The following MAN1C1 variants were observed in gnomAD, a reference collection of about 807,000 sequenced individuals.
The protein encoded by MAN1C1 is mannosidase alpha class 1C member 1, also known as mannosyl-oligosaccharide 1,2-alpha-mannosidase IC.
MAN1C1 carries 49 observed loss-of-function variants against 71.5 expected under a neutral mutation model. That is an observed-to-expected ratio of 0.69 (90% CI 0.54 to 0.87). MAN1C1 has a LOEUF of 0.87. Ranked by LOEUF, MAN1C1 falls within the 40% of genes least tolerant of loss-of-function variation. The probability of loss-of-function intolerance (pLI) is 0.00; values close to 1 mark genes in which losing one functional copy is unlikely to be tolerated. For missense variants in MAN1C1, 743 were observed against 835.0 expected, an observed-to-expected ratio of 0.89 and a Z score of 1.36; for synonymous variants, 352 against 343.7, an observed-to-expected ratio of 1.02 and a Z score of -0.27.
intron 2 of MAN1C1, among the ~76,000 whole-genome samples, chr1:25,722,716 G>T (rs1301219508): frequency 6.6e-6 from 1 of 152,038 alleles, no homozygotes; most frequent in African/African-American, 2.4e-5. Flanking sequence ...TTGTGTATTT[G>T]TCCATCTCTC....
Position 25,782,722 on chromosome 1 carries a change from T to C in MAN1C1, c.1766+22T>C. The C allele has an allele frequency of 6.4e-7, 1 of 1,574,558 alleles. No homozygotes were observed. Among genetic ancestry groups the C allele is most frequent in the South Asian group, 1.1e-5 (1 of 90,248 alleles). ...TAAAGTGAGCAGTGTGGGCTCTTCC[T>C]AGGGATGGACAGGTGGGAGGTTGAG... On this transcript the variant is annotated intron_variant, in intron 11 of 11. Transcript: ENST00000374332. This position sits in a 1 kb window ranked among gnomAD's most constrained non-coding sequence, Gnocchi z 4.4.
chr1:25,768,059 T>TCACC (rs2047472090), intron 7 of MAN1C1, among the ~76,000 whole-genome samples: 1 of 12,824 alleles, frequency 7.8e-5, no homozygotes, highest in African/African-American at 6.4e-4. Context: ...CACACTCCCC[T>TCACC]CACACACACA....
At chr1:25,715,501 C>G (rs1357122447) in intron 2 of MAN1C1, among the ~76,000 whole-genome samples, 1 of 152,220 alleles carries the variant, frequency 6.6e-6, no homozygotes, top group East Asian at 1.9e-4. Context: ...TAAGCACTCA[C>G]AACAGACTTT....
intron 1 of MAN1C1, among the ~76,000 whole-genome samples, chr1:25,627,251 TTTCTCTTCTC>T (rs140616480): frequency 2.0e-4 from 30 of 151,628 alleles, no homozygotes; most frequent in Admixed American, 6.6e-4. Flanking sequence ...ATTCCATTCT[TTTCTCTTCTC>T]TTCTCTTCTC....
In MAN1C1 at chr1:25,631,356, C is replaced by G. The variant is rs980669519; in HGVS notation, c.540+13019C>G. The stretch of plus-strand genomic sequence containing the variant: ...GGAATGCCTTAAACTTTTCCCCATT[C>G]GGTATGATGTTGGTTATGGGTTTGT... On this transcript the variant is annotated intron_variant, in intron 1 of 11. Transcript: ENST00000374332. This position sits in a 1 kb window ranked among gnomAD's most constrained non-coding sequence, Gnocchi z 4.2. 6.6e-6 allele frequency among the ~76,000 whole-genome samples: 1 copy of G among 152,070 alleles called. No homozygotes were observed. The highest frequency in any genetic ancestry group is 2.4e-5 in the African/African-American group (1 of 41,416).
chr1:25,749,135 C>T (rs79567560), intron 3 of MAN1C1, 120 bp from the exon 4 acceptor site: 4 of 698,274 alleles, frequency 5.7e-6, no homozygotes, highest in African/African-American at 1.8e-5. Flanking sequence ...CGTCACCTTG[C>T]CTGGCTTACC....
chr1:25,660,629 G>A (rs188766140), intron 1 of MAN1C1, among the ~76,000 whole-genome samples: 2 of 151,396 alleles, frequency 1.3e-5, no homozygotes, highest in Admixed American at 6.6e-5. Context: ...TCCTGACCTC[G>A]TGATCCGCCC....
In MAN1C1 at chr1:25,735,029, A is replaced by T. The variant is rs952310049; in HGVS notation, c.638-11639A>T. Among the ~76,000 whole-genome samples the T allele has an allele frequency of 6.6e-6, 1 of 152,180 alleles. No homozygotes were observed. Among genetic ancestry groups the T allele is most frequent in the South Asian group, 2.1e-4 (1 of 4,818 alleles). On this transcript the variant is annotated intron_variant, in intron 2 of 11. Transcript: ENST00000374332. This position sits in a 1 kb window ranked among gnomAD's most constrained non-coding sequence, Gnocchi z 4.6. ...AGAAGAGGGCATGCCAGGTAGAGAAAACAGCTTGAAGAAAGGGCTGGAGGC... is the reference window on the plus strand; with the variant it reads ...AGAAGAGGGCATGCCAGGTAGAGAATACAGCTTGAAGAAAGGGCTGGAGGC...
Position 25,725,727 on chromosome 1 carries a change from G to A in MAN1C1, c.638-20941G>A, listed in dbSNP as rs143050381. Among the ~76,000 whole-genome samples the A allele has an allele frequency of 2.2e-3, 337 of 152,312 alleles. No homozygotes were observed. Among genetic ancestry groups the A allele is most frequent in the Non-Finnish European group, 2.4e-3 (162 of 68,010 alleles). ...TTGCCCTCTAGATGGCATTATTAAG[G>A]ATTCTCTCCCAGTGTTTGTTTTAAT... On this transcript the variant is annotated intron_variant, in intron 2 of 11. Coordinates refer to ENST00000374332, the MANE Select transcript of MAN1C1 (RefSeq NM_020379.4). The surrounding 1 kb of genome is among the most constrained non-coding windows in gnomAD (Gnocchi z 4.8).
chr1:25,749,406 C>G (rs2047182311), intron 4 of MAN1C1, 71 bp downstream of exon 4: 3 of 1,303,794 alleles, frequency 2.3e-6, no homozygotes, highest in Non-Finnish European at 2.1e-6. Context: ...CAGTCCTTCC[C>G]CCTCATGCCA....
chr1:25,766,993 G>A (rs892008049), intron 7 of MAN1C1, among the ~76,000 whole-genome samples: 1 of 151,990 alleles, frequency 6.6e-6, no homozygotes, highest in African/African-American at 2.4e-5. Flanking sequence ...GGGGCTCACG[G>A]ACACCAGCTC....
At chr1:25,739,536 A>G (rs1000884429) in intron 2 of MAN1C1, among the ~76,000 whole-genome samples, 5 of 152,154 alleles carry the variant, frequency 3.3e-5, no homozygotes, top group African/African-American at 1.2e-4. Flanking sequence ...TCTCTTTGCT[A>G]ATATGATATC....
intron 5 of MAN1C1, among the ~76,000 whole-genome samples, chr1:25,757,719 G>T (rs1011856611): frequency 2.6e-5 from 4 of 152,220 alleles, no homozygotes; most frequent in African/African-American, 7.2e-5. Flanking sequence ...TCTGGCTCCA[G>T]ATCTCAGGGA....
intron 2 of MAN1C1, among the ~76,000 whole-genome samples, chr1:25,729,317 G>A (rs530986871): frequency 2.0e-5 from 3 of 152,230 alleles, no homozygotes; most frequent in Admixed American, 6.5e-5. Context: ...CATCCTTCCC[G>A]ATCCATCACA....
At chr1:25,757,826 C>T (rs911186327) in intron 5 of MAN1C1, among the ~76,000 whole-genome samples, 2 of 152,262 alleles carry the variant, frequency 1.3e-5, no homozygotes, top group African/African-American at 4.8e-5. Flanking sequence ...CAGGCTCTGG[C>T]ATCAGAGCCA....
chr1:25,768,059 TCACACA>T (rs145494997), intron 7 of MAN1C1, among the ~76,000 whole-genome samples: 3 of 12,836 alleles, frequency 2.3e-4, no homozygotes, highest in Non-Finnish European at 3.5e-4. Flanking sequence ...CACACTCCCC[TCACACA>T]CACACACACT....
chr1:25,649,160 C>G (rs2045656326), intron 1 of MAN1C1, among the ~76,000 whole-genome samples: 1 of 152,208 alleles, frequency 6.6e-6, no homozygotes, highest in African/African-American at 2.4e-5. Flanking sequence ...TTAGAAGGTA[C>G]CTTCCTGGAC....
At chr1:25,665,650 C>G (rs1204276250) in intron 1 of MAN1C1, among the ~76,000 whole-genome samples, 2 of 151,950 alleles carry the variant, frequency 1.3e-5, no homozygotes, top group Non-Finnish European at 2.9e-5. Context: ...CTAAGAAGAT[C>G]ACTGATGGAG....
intron 1 of MAN1C1, among the ~76,000 whole-genome samples, chr1:25,658,524 C>T (rs1283564246): frequency 6.6e-6 from 1 of 152,108 alleles, no homozygotes; most frequent in Non-Finnish European, 1.5e-5. Context: ...CATCTCAGCT[C>T]ACTGCAACCT....
Sources: gnomAD v4.1 joint callset for allele counts (sites outside exome capture counted in the v4.1 genomes callset) on GRCh38, gnomAD v4.1.1 for gene constraint, Gnocchi (gnomAD v3.1) non-coding constraint, MANE v1.5 for transcripts, NCBI Gene and HGNC (gene_info 2026-07-23, HGNC 2026-07-21) for gene names.